The following PTPRD variants were observed in gnomAD, a reference collection of about 807,000 sequenced individuals.
PTPRD encodes the protein receptor-type tyrosine-protein phosphatase delta.
PTPRD carries 34 observed loss-of-function variants against 214.5 expected under a neutral mutation model. The observed-to-expected ratio is 0.16, with a 90% CI of 0.12 to 0.21. PTPRD has a LOEUF of 0.21. Among genes scored for constraint, PTPRD ranks in the 10% least tolerant of loss-of-function variants. PTPRD has a pLI of 1.00. For missense variants in PTPRD, 2,545 were observed against 2,398.7 expected (o/e 1.06, Z -1.27); for synonymous variants, 1,128 against 845.7 (o/e 1.33, Z -5.79).
chr9:8,955,751 A>T (rs1371314487), intron 11 of PTPRD, among the ~76,000 whole-genome samples: 1 of 151,714 alleles, frequency 6.6e-6, no homozygotes, highest in African/African-American at 2.4e-5. Flanking sequence ...ATGCCTTTTA[A>T]TTAAAAAAAG....
intron 11 of PTPRD, among the ~76,000 whole-genome samples, chr9:8,999,106 G>A (rs779774244): frequency 2.0e-5 from 3 of 151,992 alleles, no homozygotes; most frequent in African/African-American, 4.8e-5. Flanking sequence ...ATGAAAGAAA[G>A]GATTTATAAT....
At chr9:9,136,606 C>A (rs1229442214) in intron 10 of PTPRD, among the ~76,000 whole-genome samples, 1 of 152,034 alleles carries the variant, frequency 6.6e-6, no homozygotes, top group East Asian at 1.9e-4. Flanking sequence ...AAAATTAATT[C>A]TCTTTTAGTA....
At chr9:9,653,781 G>C (rs1018812238) in intron 7 of PTPRD, among the ~76,000 whole-genome samples, 1 of 152,136 alleles carries the variant, frequency 6.6e-6, no homozygotes, top group East Asian at 1.9e-4. Context: ...TTCCTCTAAA[G>C]GGATTTGGCT....
chr9:9,208,263 C>G lies in PTPRD; in HGVS notation c.-202-24900G>C, dbSNP rs189595680. Among the ~76,000 whole-genome samples the G allele has an allele frequency of 3.8e-3, 579 of 151,730 alleles. 6 individuals are homozygous for G. The highest frequency in any genetic ancestry group is 0.013 in the African/African-American group (537 of 41,416). On this transcript the variant is annotated intron_variant, in intron 9 of 45. Transcript: ENST00000381196. ...TCTCCTGACCTTCTGATCTGCCCGC[C>G]TCGGCCTCCCAAAGTGCTGGGATTA...
At chr9:9,800,066 C>A (rs532788903) in intron 5 of PTPRD, among the ~76,000 whole-genome samples, 3 of 152,076 alleles carry the variant, frequency 2.0e-5, no homozygotes, top group African/African-American at 7.2e-5. Context: ...ATTGAATTCC[C>A]GAAGAGATTT....
intron 4 of PTPRD, among the ~76,000 whole-genome samples, chr9:9,959,349 G>A (rs910569060): frequency 1.3e-5 from 2 of 152,092 alleles, no homozygotes; most frequent in Non-Finnish European, 2.9e-5. Context: ...GGAAGGAAGA[G>A]GGGTAAATAG....
At chr9:9,731,275 T>A (rs952695198) in intron 7 of PTPRD, among the ~76,000 whole-genome samples, 22 of 152,160 alleles carry the variant, frequency 1.4e-4, no homozygotes, top group African/African-American at 5.3e-4. Context: ...CATTTGTATT[T>A]CAATAGTACT....
chr9:9,120,765 G>T (rs1396357044), intron 10 of PTPRD, among the ~76,000 whole-genome samples: 9 of 152,178 alleles, frequency 5.9e-5, no homozygotes, highest in Non-Finnish European at 1.5e-5. Context: ...AGCCAAATTT[G>T]GGAACTACTG....
intron 10 of PTPRD, among the ~76,000 whole-genome samples, chr9:9,077,175 A>G (rs1310986877): frequency 7.0e-6 from 1 of 143,862 alleles, no homozygotes; most frequent in East Asian, 2.1e-4. Flanking sequence ...TTTTCTGTAG[A>G]GTTGGTTGAG....
At chr9:9,286,504 A>G (rs1949413929) in intron 9 of PTPRD, among the ~76,000 whole-genome samples, 1 of 151,390 alleles carries the variant, frequency 6.6e-6, no homozygotes, top group Admixed American at 6.6e-5. Flanking sequence ...TCCATTCACA[A>G]CTCTGAGTTT....
At chr9:9,304,348 T>A (rs565296237) in intron 9 of PTPRD, among the ~76,000 whole-genome samples, 3 of 152,232 alleles carry the variant, frequency 2.0e-5, no homozygotes, top group African/African-American at 7.2e-5. Flanking sequence ...GAACATGACA[T>A]TTGAGCAAAG....
intron 4 of PTPRD, among the ~76,000 whole-genome samples, chr9:9,941,242 A>G (rs1310791756): frequency 6.6e-6 from 1 of 152,150 alleles, no homozygotes; most frequent in Non-Finnish European, 1.5e-5. Context: ...GGAAGGGAAA[A>G]GCTATGTCTG....
intron 3 of PTPRD, among the ~76,000 whole-genome samples, chr9:10,221,691 T>G (rs1309837424): frequency 6.6e-6 from 1 of 151,988 alleles, no homozygotes; most frequent in Admixed American, 6.6e-5. Context: ...AAGCATTAAG[T>G]ACATCCACAA....
intron 21 of PTPRD, among the ~76,000 whole-genome samples, chr9:8,507,851 C>T (rs116083269): frequency 1.3e-5 from 2 of 152,242 alleles, no homozygotes; most frequent in Non-Finnish European, 2.9e-5. Context: ...TACTCTCTAG[C>T]ACTACATGTA....
At chr9:9,718,181 G>T (rs1015339131) in intron 7 of PTPRD, among the ~76,000 whole-genome samples, 3 of 152,062 alleles carry the variant, frequency 2.0e-5, no homozygotes, top group Non-Finnish European at 4.4e-5. Flanking sequence ...TTTCTTTAAA[G>T]AAAGTACATG....
At chr9:8,427,584 TAAGA>T (rs1244867112) in intron 35 of PTPRD, among the ~76,000 whole-genome samples, 1 of 151,856 alleles carries the variant, frequency 6.6e-6, no homozygotes, top group Non-Finnish European at 1.5e-5. Flanking sequence ...GACTGGAGAG[TAAGA>T]AAGGGCAACA....
rs56407701 is a variant in PTPRD, at chr9:8,314,783, C to G, written c.*3091G>C. The G allele has an allele frequency of 8.7e-3, 2,023 of 232,246 alleles. 9 individuals are homozygous for G. The highest frequency in any genetic ancestry group is 0.02 in the East Asian group (323 of 16,514). 14.4% of individuals were successfully genotyped at this position (232,246 alleles called of 1,614,324 possible). ...TATTTACATACACACAAATGAATTTCCGAAGCAGTTTCTTACAGATGGGTT... is the reference window on the plus strand; with the variant it reads ...TATTTACATACACACAAATGAATTTGCGAAGCAGTTTCTTACAGATGGGTT... On this transcript the variant is annotated 3_prime_UTR_variant, in exon 46 of 46. Transcript: ENST00000381196.
intron 4 of PTPRD, among the ~76,000 whole-genome samples, chr9:9,969,563 T>A (rs1412144651): frequency 6.6e-6 from 1 of 152,206 alleles, no homozygotes; most frequent in Non-Finnish European, 1.5e-5. Flanking sequence ...GACTTCTCAG[T>A]CTAATTCAGT....
intron 11 of PTPRD, among the ~76,000 whole-genome samples, chr9:8,767,491 A>G (rs961452086): frequency 6.6e-6 from 1 of 152,160 alleles, no homozygotes; most frequent in African/African-American, 2.4e-5. Context: ...ACTCAAAGAC[A>G]CATGTACATT....
Sources: allele counts gnomAD v4.1 joint callset (sites outside exome capture counted in the v4.1 genomes callset), GRCh38; gene constraint gnomAD v4.1.1; transcripts MANE v1.5; gene names NCBI Gene and HGNC (gene_info 2026-07-23, HGNC 2026-07-21).